Variants in SPAG17 observed in about 807,000 individuals in gnomAD.
SPAG17 encodes sperm-associated antigen 17.
SPAG17 carries 169 observed loss-of-function variants against 273.6 expected under a neutral mutation model. That is an observed-to-expected ratio of 0.62 (90% CI 0.55 to 0.70). SPAG17 has a LOEUF of 0.70. Among genes scored for constraint, SPAG17 ranks in the 30% least tolerant of loss-of-function variants. SPAG17 has a pLI of 0.00. For missense variants in SPAG17, 2,557 were observed against 2,627.8 expected (o/e 0.97, Z 0.59); for synonymous variants, 825 against 873.2 (o/e 0.94, Z 0.97).
chr1:118,156,785 A>C (rs1659669723), intron 1 of SPAG17, among the ~76,000 whole-genome samples: 1 of 151,848 alleles, frequency 6.6e-6, no homozygotes, highest in African/African-American at 2.4e-5. Context: ...ATAGGCTGCA[A>C]ATTCTGTGAT....
chr1:118,093,388 T>A (rs1161423610), intron 7 of SPAG17, 71 bp from the exon 8 acceptor site: 33 of 1,439,738 alleles, frequency 2.3e-5, no homozygotes, highest in Non-Finnish European at 2.3e-5. Flanking sequence ...ATGGTATATA[T>A]CTCTTAACAG....
chr1:118,043,714 T>C lies in SPAG17; in HGVS notation c.2815-1672A>G, dbSNP rs532759758. Among the ~76,000 whole-genome samples the C allele has an allele frequency of 5.3e-5, 8 of 152,298 alleles. No homozygotes were observed. In the East Asian group the frequency reaches 1.3e-3, roughly 26 times the overall value. On this transcript the variant is annotated intron_variant, in intron 20 of 48. Coordinates refer to ENST00000336338, the MANE Select transcript of SPAG17 (RefSeq NM_206996.4). ...ACTGATTGATTGTTTATTATCTAGA[T>C]TTAAGGAAGTGATGGAGATCATGTT...
At chr1:117,987,951 C>A (rs1380300182) in intron 39 of SPAG17, 70 bp from the exon 40 acceptor site, 2 of 1,551,578 alleles carry the variant, frequency 1.3e-6, no homozygotes, top group East Asian at 2.2e-5. Context: ...AACCAAAAAC[C>A]CTCACCACTA....
At chr1:118,156,298 T>A (rs1425462515) in intron 1 of SPAG17, among the ~76,000 whole-genome samples, 1 of 152,202 alleles carries the variant, frequency 6.6e-6, no homozygotes, top group Non-Finnish European at 1.5e-5. Context: ...TGGCAGTGAA[T>A]GGGAAATGGA....
At chr1:118,045,104 G>A (rs953519066) in intron 20 of SPAG17, among the ~76,000 whole-genome samples, 1 of 152,158 alleles carries the variant, frequency 6.6e-6, no homozygotes, top group East Asian at 1.9e-4. Context: ...TAGCAACTGT[G>A]ATATTGGGGT....
At chr1:118,040,976 G>A (rs947462382) in intron 21 of SPAG17, 135 bp from the exon 22 acceptor site, 4 of 666,778 alleles carry the variant, frequency 6.0e-6, no homozygotes, top group Non-Finnish European at 1.1e-5. Context: ...CAGACTCAGA[G>A]GCCAGTGTTC....
At chr1:118,034,254 T>C (rs1332230882) in intron 24 of SPAG17, among the ~76,000 whole-genome samples, 1 of 152,212 alleles carries the variant, frequency 6.6e-6, no homozygotes, top group Non-Finnish European at 1.5e-5. Flanking sequence ...ACCCGTCAGG[T>C]ACAATGCTGT....
At chr1:118,071,542 T>C (rs1178605172) in intron 17 of SPAG17, among the ~76,000 whole-genome samples, 1 of 151,930 alleles carries the variant, frequency 6.6e-6, no homozygotes, top group East Asian at 1.9e-4. Flanking sequence ...CCCAGCTACT[T>C]GGGAGGTTGA....
At chr1:118,049,180 GA>G (rs1219268130) in intron 20 of SPAG17, among the ~76,000 whole-genome samples, 1 of 152,062 alleles carries the variant, frequency 6.6e-6, no homozygotes, top group Non-Finnish European at 1.5e-5. Flanking sequence ...CTCACCCTAT[GA>G]AAAAAATTGA....
rs765827899 is a variant in SPAG17 at position 117,970,152 on chromosome 1, TAATG to T, written c.6327-40_6327-37del. The T allele has an allele frequency of 4.1e-5, 65 of 1,589,014 alleles. 1 individual carries two copies. Among genetic ancestry groups the T allele is most frequent in the Non-Finnish European group, 5.5e-5 (64 of 1,163,012 alleles). ...GAAAGATAAAAATAAATTTATGACA[TAATG>T]AAACCCATGAGCAATGAATAAGCTG... On this transcript the variant is annotated intron_variant, in intron 45 of 48. Coordinates refer to ENST00000336338, the MANE Select transcript of SPAG17 (RefSeq NM_206996.4).
At chr1:118,155,317 T>C (rs1276566723) in intron 1 of SPAG17, among the ~76,000 whole-genome samples, 1 of 152,224 alleles carries the variant, frequency 6.6e-6, no homozygotes, top group Admixed American at 6.5e-5. Context: ...AGACACAGGG[T>C]AAATTTACAA....
chr1:118,070,772 G>A (rs1223889213), intron 17 of SPAG17, among the ~76,000 whole-genome samples: 2 of 152,110 alleles, frequency 1.3e-5, no homozygotes, highest in Non-Finnish European at 2.9e-5. Context: ...AGTAATCAAT[G>A]CCACCTTTTT....
In SPAG17 at chr1:118,034,621, C is replaced by G. The variant is rs141571046; in HGVS notation, c.3433+2149G>C. Among the ~76,000 whole-genome samples, 371 of 152,238 alleles carry G rather than the reference C, an allele frequency of 2.4e-3. 1 individual carries two copies. Among genetic ancestry groups the G allele is most frequent in the African/African-American group, 7.8e-3 (326 of 41,542 alleles). On this transcript the variant is annotated intron_variant, in intron 24 of 48. Coordinates refer to ENST00000336338, the MANE Select transcript of SPAG17 (RefSeq NM_206996.4). ...TTGTTGAAAGTAGTGGTGCACATGT[C>G]AGGAGAAAGTATTCTGAGTAGTGGT...
At chr1:118,104,978 A>C (rs142632368) in intron 4 of SPAG17, among the ~76,000 whole-genome samples, 1 of 152,294 alleles carries the variant, frequency 6.6e-6, no homozygotes, top group East Asian at 1.9e-4. Context: ...CCAGTAGAGA[A>C]GGAGACAGTG....
chr1:118,171,495 A>C (rs915218858), intron 1 of SPAG17, among the ~76,000 whole-genome samples: 4 of 152,194 alleles, frequency 2.6e-5, no homozygotes, highest in Non-Finnish European at 5.9e-5. Flanking sequence ...AGATGCTCTC[A>C]GTAAGAAGCC....
chr1:118,060,650 T>C (rs1368165266), intron 18 of SPAG17, among the ~76,000 whole-genome samples: 1 of 152,218 alleles, frequency 6.6e-6, no homozygotes, highest in Non-Finnish European at 1.5e-5. Flanking sequence ...TTCACATTGC[T>C]ATTTAGTGTT....
chr1:118,099,936 G>C, intron 5 of SPAG17, 136 bp from the exon 6 acceptor site: 1 of 673,080 alleles, frequency 1.5e-6, no homozygotes, highest in Non-Finnish European at 2.4e-6. Flanking sequence ...CAGTTGGCTG[G>C]AATGCAGTCA....
At chr1:118,032,754 G>A (rs1262887670) in intron 24 of SPAG17, among the ~76,000 whole-genome samples, 3 of 151,780 alleles carry the variant, frequency 2.0e-5, no homozygotes, top group African/African-American at 7.3e-5. Flanking sequence ...ACCACGCCTG[G>A]CTAATTTTTT....
intron 34 of SPAG17, among the ~76,000 whole-genome samples, chr1:117,995,272 T>C (rs1657528587): frequency 6.6e-6 from 1 of 152,136 alleles, no homozygotes; most frequent in Non-Finnish European, 1.5e-5. Flanking sequence ...AGAACTATGT[T>C]CTTTCCCCTC....
Sources: gnomAD v4.1 joint callset for allele counts (sites outside exome capture counted in the v4.1 genomes callset) on GRCh38, gnomAD v4.1.1 for gene constraint, MANE v1.5 for transcripts, NCBI Gene and HGNC (gene_info 2026-07-23, HGNC 2026-07-21) for gene names.